METTL8: variants seen among roughly 807,000 people sequenced by gnomAD.
METTL8 encodes the protein methyltransferase 8, tRNA N3-cytidine.
METTL8 carries 32 observed loss-of-function variants against 48.7 expected under a neutral mutation model. The observed-to-expected ratio is 0.66, with a 90% CI of 0.50 to 0.88. The LOEUF (loss-of-function observed/expected upper bound fraction) is 0.88, where lower values mean the gene tolerates loss of function less well. Ranked by LOEUF, METTL8 falls within the 40% of genes least tolerant of loss-of-function variation. The pLI, the probability that METTL8 is intolerant of heterozygous loss-of-function variation, is 0.00. For missense variants in METTL8, 464 were observed against 474.4 expected (o/e 0.98, Z 0.20); for synonymous variants, 136 against 157.1 (o/e 0.87, Z 1.01).
intron 1 of METTL8, among the ~76,000 whole-genome samples, chr2:171,417,455 C>G (rs1412168352): frequency 6.6e-6 from 1 of 152,170 alleles, no homozygotes; most frequent in African/African-American, 2.4e-5. Context: ...AGGCACTACT[C>G]CAAGTCATAC....
chr2:171,356,153 T>C (rs1479166563), intron 3 of METTL8, among the ~76,000 whole-genome samples: 1 of 152,198 alleles, frequency 6.6e-6, no homozygotes, highest in Non-Finnish European at 1.5e-5. Context: ...ATTTATTCTC[T>C]TCCAGCTATT....
chr2:171,387,701 A>T (rs1341965515), intron 2 of METTL8, among the ~76,000 whole-genome samples: 1 of 152,128 alleles, frequency 6.6e-6, no homozygotes, highest in Non-Finnish European at 1.5e-5. Flanking sequence ...TTAAAATTTT[A>T]CAGTACATCT....
intron 1 of METTL8, among the ~76,000 whole-genome samples, chr2:171,403,128 AT>A (rs1445246185): frequency 3.9e-5 from 6 of 152,172 alleles, no homozygotes; most frequent in African/African-American, 1.4e-4. Flanking sequence ...ATAACTCCTC[AT>A]TAAGTGTGGG....
At chr2:171,330,305 T>C (rs909041694) in intron 7 of METTL8, among the ~76,000 whole-genome samples, 5 of 152,206 alleles carry the variant, frequency 3.3e-5, no homozygotes, top group African/African-American at 1.2e-4. Flanking sequence ...TCACTTTTAA[T>C]AGGTATGTGT....
chr2:171,431,759 G>C (rs1693049637), intron 1 of METTL8, among the ~76,000 whole-genome samples: 1 of 152,334 alleles, frequency 6.6e-6, no homozygotes, highest in Non-Finnish European at 1.5e-5. Flanking sequence ...CCATGGGCGG[G>C]AGTGGGGTAA....
rs1401868171 is a variant in METTL8 at position 171,352,842 on chromosome 2, G to A, written c.235+7580C>T. Among the ~76,000 whole-genome samples the A allele has an allele frequency of 2.2e-4, 33 of 151,864 alleles. 1 individual carries two copies. Among genetic ancestry groups the A allele is most frequent in the African/African-American group, 8.0e-4 (33 of 41,364 alleles). Reference sequence around the variant, plus strand: ...CCCTTTATCATTTTTTATTGCATCTGTTTGATTCTTCTCTCTTTTCTTCTT... The same window carrying A: ...CCCTTTATCATTTTTTATTGCATCTATTTGATTCTTCTCTCTTTTCTTCTT... On this transcript the variant is annotated intron_variant, in intron 3 of 9. Transcript: ENST00000375258.
intron 1 of METTL8, among the ~76,000 whole-genome samples, chr2:171,430,049 G>GA (rs111919631): frequency 9.1e-4 from 114 of 125,868 alleles, no homozygotes; most frequent in Middle Eastern, 4.7e-3. Flanking sequence ...GTCTCAAAAA[G>GA]AAAAAAAAAA....
At chr2:171,365,064 G>A (rs1685576648) in intron 2 of METTL8, among the ~76,000 whole-genome samples, 1 of 152,126 alleles carries the variant, frequency 6.6e-6, no homozygotes. Context: ...GATGCCAGAT[G>A]AGTTGGTCTC....
intron 2 of METTL8, among the ~76,000 whole-genome samples, chr2:171,370,143 A>G (rs577840185): frequency 1.3e-5 from 2 of 152,122 alleles, no homozygotes; most frequent in Non-Finnish European, 2.9e-5. Context: ...CAGAAGAGAG[A>G]AATTAAAAAA....
At chr2:171,325,300 C>T (rs192583799) in intron 9 of METTL8, among the ~76,000 whole-genome samples, 1 of 152,190 alleles carries the variant, frequency 6.6e-6, no homozygotes, top group Non-Finnish European at 1.5e-5. Flanking sequence ...ATCCTTCCAC[C>T]TTAGCCTCCC....
intron 1 of METTL8, among the ~76,000 whole-genome samples, chr2:171,429,795 T>C (rs778297880): frequency 6.6e-6 from 1 of 151,932 alleles, no homozygotes; most frequent in Non-Finnish European, 1.5e-5. Context: ...ATCCCAGCAG[T>C]TTGGGAGGCA....
chr2:171,368,150 T>A (rs1053205107), intron 2 of METTL8, among the ~76,000 whole-genome samples: 3 of 152,242 alleles, frequency 2.0e-5, no homozygotes, highest in Non-Finnish European at 2.9e-5. Flanking sequence ...TGCTGATTGA[T>A]GAAGCAGTAA....
rs533047616 is a variant in METTL8, at chr2:171,400,737, C to T, written c.-12-8540G>A. 9.2e-5 allele frequency among the ~76,000 whole-genome samples: 14 copies of T among 152,236 alleles called. 1 individual carries two copies. The South Asian group carries it at 2.1e-3, about 23-fold the overall frequency. On this transcript the variant is annotated intron_variant, in intron 1 of 9. Coordinates refer to ENST00000375258, the MANE Select transcript of METTL8 (RefSeq NM_001321154.2). ...AGAGCTGAGTAGTAGAGGCAAAGAA[C>T]GGCTTCTTAGTTCCATTGCTTTTTA...
At chr2:171,330,813 T>C in intron 6 of METTL8, 115 bp from the exon 7 acceptor site, 1 of 794,398 alleles carries the variant, frequency 1.3e-6, no homozygotes, top group Non-Finnish European at 2.0e-6. Flanking sequence ...GCCTTTCCTC[T>C]GTCAGTCTGA....
intron 1 of METTL8, among the ~76,000 whole-genome samples, chr2:171,401,044 C>G (rs1689589884): frequency 6.6e-6 from 1 of 152,034 alleles, no homozygotes; most frequent in South Asian, 2.1e-4. Flanking sequence ...TCTGAGTATC[C>G]TTTAAATAAG....
At chr2:171,401,670 T>G (rs972343815) in intron 1 of METTL8, among the ~76,000 whole-genome samples, 4 of 152,196 alleles carry the variant, frequency 2.6e-5, no homozygotes, top group Admixed American at 6.5e-5. Flanking sequence ...ATCTGAACTA[T>G]TCTTATTTCT....
intron 3 of METTL8, among the ~76,000 whole-genome samples, chr2:171,358,805 G>C (rs1430037566): frequency 2.6e-5 from 4 of 152,088 alleles, no homozygotes; most frequent in African/African-American, 9.7e-5. Flanking sequence ...AGCAACCAAA[G>C]CGAAAATAGA....
intron 1 of METTL8, among the ~76,000 whole-genome samples, chr2:171,399,562 G>T (rs1412089778): frequency 6.6e-6 from 1 of 152,124 alleles, no homozygotes; most frequent in African/African-American, 2.4e-5. Flanking sequence ...GCCAACTTAT[G>T]GGGAGCAGAT....
At chr2:171,406,395 T>C (rs780431711) in intron 1 of METTL8, among the ~76,000 whole-genome samples, 1 of 152,174 alleles carries the variant, frequency 6.6e-6, no homozygotes, top group Non-Finnish European at 1.5e-5. Context: ...CAAAATATCA[T>C]AGACTAGGTT....
Sources: gnomAD v4.1 joint callset for allele counts (sites outside exome capture counted in the v4.1 genomes callset) on GRCh38, gnomAD v4.1.1 for gene constraint, MANE v1.5 for transcripts, NCBI Gene and HGNC (gene_info 2026-07-23, HGNC 2026-07-21) for gene names.